Variants in FTO observed in about 807,000 individuals in gnomAD.
The protein encoded by FTO is alpha-ketoglutarate-dependent dioxygenase FTO.
FTO carries 47 observed loss-of-function variants against 63.9 expected under a neutral mutation model. The ratio of observed to expected loss-of-function variants is 0.74; its 90% CI spans 0.58 to 0.94. FTO has a LOEUF of 0.94. Among genes scored for constraint, FTO ranks in the 40% least tolerant of loss-of-function variants. The pLI is 0.00. For synonymous variants in FTO, 207 were observed against 224.4 expected (o/e 0.92, Z 0.69); for missense variants, 562 against 618.1 (o/e 0.91, Z 0.96).
At chr16:53,940,670 C>A (rs1396597288) in intron 8 of FTO, among the ~76,000 whole-genome samples, 2 of 152,102 alleles carry the variant, frequency 1.3e-5, no homozygotes, top group African/African-American at 4.8e-5. Context: ...GTCGAAGGAG[C>A]CTTAAAAATG....
intron 8 of FTO, chr16:53,991,695 C>T (rs2083815297): frequency 6.6e-6 from 1 of 152,154 alleles, no homozygotes; most frequent in South Asian, 2.1e-4. Flanking sequence ...GTAGGCTTTT[C>T]TTTCCAAATC....
chr16:53,706,524 T>C (rs4520829), intron 1 of FTO, among the ~76,000 whole-genome samples: 1 of 152,212 alleles, frequency 6.6e-6, no homozygotes, highest in South Asian at 2.1e-4. Context: ...AATGGAAGCA[T>C]ACAGTGTATA....
chr16:53,818,151 C>T (rs1346061863), intron 2 of FTO, among the ~76,000 whole-genome samples: 1 of 144,592 alleles, frequency 6.9e-6, no homozygotes, highest in Non-Finnish European at 1.5e-5. Flanking sequence ...ATGTTCACTT[C>T]TTCTCCAAAG....
intron 8 of FTO, among the ~76,000 whole-genome samples, chr16:53,938,861 G>A (rs986658813): frequency 3.3e-5 from 5 of 152,000 alleles, no homozygotes; most frequent in African/African-American, 9.7e-5. Flanking sequence ...AGGCCTAGAC[G>A]GGCGGATCAT....
intron 2 of FTO, among the ~76,000 whole-genome samples, chr16:53,823,201 C>G (rs74018601): frequency 2.0e-5 from 3 of 152,242 alleles, no homozygotes; most frequent in African/African-American, 7.2e-5. Context: ...GATCATCTGT[C>G]TTCATCTCAC....
At chr16:53,994,809 C>T (rs779652088) in intron 8 of FTO, among the ~76,000 whole-genome samples, 3 of 151,960 alleles carry the variant, frequency 2.0e-5, no homozygotes, top group Non-Finnish European at 4.4e-5. Flanking sequence ...TCTCTGCTCA[C>T]AGCAATTTCC....
At chr16:53,958,209 CCCA>C (rs2082974597) in intron 8 of FTO, among the ~76,000 whole-genome samples, 3 of 152,162 alleles carry the variant, frequency 2.0e-5, no homozygotes, top group African/African-American at 7.2e-5. Flanking sequence ...AGTGAATCGG[CCCA>C]CTTAGAGAAG....
Position 54,119,709 on chromosome 16 carries a change from A to G in FTO, c.*7794A>G, listed in dbSNP as rs2086993296. 6.6e-6 allele frequency: 1 copy of G among 152,186 alleles called. No homozygotes were observed. Among genetic ancestry groups the G allele is most frequent in the Non-Finnish European group, 1.5e-5 (1 of 68,030 alleles). The allele number at this position is 152,186 out of a possible 1,614,324, so 9.4% of individuals were successfully genotyped here. Reference sequence around the variant, plus strand: ...TCAATGGAATGATCTGTCAGAAGCCATTAAAGCCCCCATTAGCTTGAATGC... The same window carrying G: ...TCAATGGAATGATCTGTCAGAAGCCGTTAAAGCCCCCATTAGCTTGAATGC... On this transcript the variant is annotated 3_prime_UTR_variant, in exon 9 of 9. Coordinates refer to ENST00000471389, the MANE Select transcript of FTO (RefSeq NM_001080432.3).
rs191765727 is a variant in FTO, at chr16:53,787,721, T to C, written c.46-22419T>C. Among the ~76,000 whole-genome samples, 4 of 152,256 alleles carry C rather than the reference T, an allele frequency of 2.6e-5. No individual in the cohort carries two copies. The East Asian group carries it at 7.8e-4, about 30-fold the overall frequency. The stretch of plus-strand genomic sequence containing the variant: ...TATAAACATCTTTCATCTTAGACTG[T>C]GTAGCATGTCCCTAGTAGACCAGGT... On this transcript the variant is annotated intron_variant, in intron 1 of 8. Transcript: ENST00000471389.
intron 8 of FTO, chr16:53,998,704 C>G (rs1203526081): frequency 1.3e-5 from 2 of 152,212 alleles, no homozygotes; most frequent in Non-Finnish European, 2.9e-5. Context: ...ACTTTAGCCT[C>G]TTTCCTTCTG....
intron 2 of FTO, among the ~76,000 whole-genome samples, chr16:53,816,799 A>G (rs2060820315): frequency 6.6e-6 from 1 of 151,956 alleles, no homozygotes; most frequent in South Asian, 2.1e-4. Flanking sequence ...AATACCGTAT[A>G]TTTTACTTAT....
chr16:54,106,857 TTATA>T (rs1327985435), intron 8 of FTO, among the ~76,000 whole-genome samples: 2 of 137,820 alleles, frequency 1.5e-5, no homozygotes, highest in African/African-American at 5.3e-5. Context: ...TATATAATAA[TTATA>T]TATAATAATA....
At chr16:53,789,061 A>T (rs1181577619) in intron 1 of FTO, among the ~76,000 whole-genome samples, 1 of 152,236 alleles carries the variant, frequency 6.6e-6, no homozygotes, top group Non-Finnish European at 1.5e-5. Flanking sequence ...GTATATGCTC[A>T]TCTACATATG....
chr16:54,100,681 G>A (rs2086620791), intron 8 of FTO, among the ~76,000 whole-genome samples: 1 of 152,126 alleles, frequency 6.6e-6, no homozygotes, highest in African/African-American at 2.4e-5. Context: ...GTTTTTATTA[G>A]TATTCTTATT....
At chr16:53,710,559 A>G (rs904342017) in intron 1 of FTO, among the ~76,000 whole-genome samples, 3 of 152,146 alleles carry the variant, frequency 2.0e-5, no homozygotes, top group Non-Finnish European at 2.9e-5. Context: ...CACCGTGCGC[A>G]GCCCAGATTT....
intron 8 of FTO, among the ~76,000 whole-genome samples, chr16:53,997,704 C>CT (rs10595845): frequency 1.1e-4 from 16 of 149,334 alleles, no homozygotes; most frequent in Middle Eastern, 3.5e-3. Context: ...TGATTTGGAT[C>CT]TTTTTTTTTT....
chr16:53,834,146 C>T (rs1390114205), intron 3 of FTO, among the ~76,000 whole-genome samples: 1 of 151,904 alleles, frequency 6.6e-6, no homozygotes, highest in Non-Finnish European at 1.5e-5. Flanking sequence ...TGTCTCAGCC[C>T]CCTGAGTAGC....
At chr16:54,023,658 C>T (rs2084650316) in intron 8 of FTO, among the ~76,000 whole-genome samples, 2 of 152,218 alleles carry the variant, frequency 1.3e-5, no homozygotes, top group Middle Eastern at 3.2e-3. Context: ...GATGGGCTTT[C>T]CCAATCAAGA....
rs1240729456 is a variant in FTO at position 53,873,771 on chromosome 16, G to A, written c.896-15G>A. The stretch of plus-strand genomic sequence containing the variant: ...ATAAATATGGTTTTATACATTTCTG[G>A]TGTTTTTCCTGTAGATGATCTCAAT... On this transcript the variant is annotated splice_polypyrimidine_tract_variant and intron_variant, in intron 4 of 8. Coordinates refer to ENST00000471389, the MANE Select transcript of FTO (RefSeq NM_001080432.3). 1 of 1,605,802 alleles carries A rather than the reference G, an allele frequency of 6.2e-7. No individual in the cohort carries two copies. The highest frequency in any genetic ancestry group is 8.5e-7 in the Non-Finnish European group (1 of 1,172,960).
Sources: allele counts gnomAD v4.1 joint callset (sites outside exome capture counted in the v4.1 genomes callset), GRCh38; gene constraint gnomAD v4.1.1; transcripts MANE v1.5; gene names NCBI Gene and HGNC (gene_info 2026-07-23, HGNC 2026-07-21).